WDR62: variants seen among roughly 807,000 people sequenced by gnomAD.
WDR62 encodes WD repeat-containing protein 62.
Under a neutral mutation model 160.6 loss-of-function variants are expected in WDR62, and 112 were observed. The ratio of observed to expected loss-of-function variants is 0.70; its 90% CI spans 0.60 to 0.82. The LOEUF (loss-of-function observed/expected upper bound fraction) is 0.82, where lower values mean the gene tolerates loss of function less well. Ranked by LOEUF, WDR62 falls within the 40% of genes least tolerant of loss-of-function variation. The pLI, the probability that WDR62 is intolerant of heterozygous loss-of-function variation, is 0.00. For missense variants in WDR62, 1,819 were observed against 1,983.8 expected (o/e 0.92, Z 1.58); for synonymous variants, 792 against 815.1 (o/e 0.97, Z 0.48).
In WDR62 at chr19:36,089,043, A is replaced by G. The variant is rs1344053949; in HGVS notation, c.1774A>G (p.Arg592Gly). 1 of 1,614,100 alleles carries G rather than the reference A, an allele frequency of 6.2e-7. No homozygotes were observed. Among genetic ancestry groups the G allele is most frequent in the Admixed American group, 1.7e-5 (1 of 60,026 alleles). The change falls in exon 14 of 32, where the codon AGA becomes GGA. Residue 592 changes from arginine (R) to glycine (G), a missense_variant. This residue lies in a region of WDR62 where 934 missense variants were observed against 1,157.2 expected (regional missense o/e 0.81). Coordinates refer to ENST00000401500, the MANE Select transcript of WDR62 (RefSeq NM_001083961.2). ...SITAIKFAGN[R>G]DIQMISCGAD... ...ACAGCGTCCTCCTCCCCTAGGCAAC[A>G]GAGACATCCAGATGATCAGCTGTGG...
At chr19:36,106,270 G>A (rs1240487422), downstream of WDR62, among the ~76,000 whole-genome samples, 1 of 151,336 alleles carries the variant, frequency 6.6e-6, no homozygotes, top group Non-Finnish European at 1.5e-5. Flanking sequence ...GGAGGTTGAG[G>A]CAGGAGAATC....
Position 36,102,788 on chromosome 19 carries a change from ACTT to A in WDR62, c.3277_3279del (p.Phe1093del), listed in dbSNP as rs1183907455. On this transcript the variant is annotated inframe_deletion, in exon 27 of 32. Transcript: ENST00000401500. ...GTGGAGGCCTCTGAAGCTGAAGACC[ACTT>A]CTTCAACCCACGCCTGAGTATCTCC... The A allele has an allele frequency of 6.8e-6, 11 of 1,614,034 alleles. No homozygotes were observed. The highest frequency in any genetic ancestry group is 1.6e-4 in the Middle Eastern group (1 of 6,062).
chr19:36,105,982 A>T (rs1973703429), downstream of WDR62, among the ~76,000 whole-genome samples: 1 of 152,178 alleles, frequency 6.6e-6, no homozygotes, highest in Admixed American at 6.5e-5. Context: ...TACAGGCATG[A>T]GCCACCGCAC....
chr19:36,106,105 T>C (rs1973706665), downstream of WDR62, among the ~76,000 whole-genome samples: 1 of 152,200 alleles, frequency 6.6e-6, no homozygotes, highest in Admixed American at 6.5e-5. Context: ...CTGGGACCAA[T>C]AACTGCTTCC....
chr19:36,084,682 T>C lies in WDR62; in HGVS notation c.1580T>C (p.Leu527Pro), dbSNP rs1278297649. ...RIHELHFMDE[L>P]VKVEAHDAEV... ...CACGAGCTGCACTTCATGGACGAGC[T>C]GGTCAAGGTGGAGGCCCATGATGCT... Residue 527 changes from leucine to proline, a missense_variant, in exon 12 of 32, where the codon CTG (leucine) becomes CCG (proline). Leu to Pro is a moderately conservative substitution (Grantham distance 98). This residue lies in a region of WDR62 where 934 missense variants were observed against 1,157.2 expected (regional missense o/e 0.81). Transcript: ENST00000401500. 6.2e-7 allele frequency: 1 copy of C among 1,613,710 alleles called. No individual in the cohort carries two copies. Among genetic ancestry groups the C allele is most frequent in the African/African-American group, 1.3e-5 (1 of 74,838 alleles).
At chr19:36,079,142 C>T (rs1266228341) in intron 9 of WDR62, among the ~76,000 whole-genome samples, 1 of 152,104 alleles carries the variant, frequency 6.6e-6, no homozygotes, top group African/African-American at 2.4e-5. Flanking sequence ...AGTGCAGTGG[C>T]ATGATCACAG....
intron 7 of WDR62, chr19:36,071,006 A>C: frequency 6.2e-6 from 1 of 160,936 alleles, no homozygotes; most frequent in South Asian, 1.7e-4. Flanking sequence ...TCAGGAGTTC[A>C]AGACCAGCCT....
chr19:36,103,917 C>T lies in WDR62; in HGVS notation c.4089C>T (p.Pro1363=). 1 of 1,599,402 alleles carries T rather than the reference C, an allele frequency of 6.3e-7. No individual in the cohort carries two copies. Among genetic ancestry groups the T allele is most frequent in the Non-Finnish European group, 8.5e-7 (1 of 1,179,960 alleles). ...GCCTTCCTGCCCACCCCAGTAACCC[C>T]CAGCTTCCAGAGGCCCGGCCTGGCA... is the stretch of plus-strand genomic sequence containing the variant. ...SPGLPAHPSN[P]QLPEARPGIP... The change falls in exon 30 of 32, where the codon CCC becomes CCT. Residue 1363 remains proline, a synonymous_variant. Transcript: ENST00000401500.
chr19:36,099,387 A>T lies in WDR62; in HGVS notation c.2521-12A>T, dbSNP rs765215727. 6.2e-7 allele frequency: 1 copy of T among 1,612,060 alleles called. No individual in the cohort carries two copies. Among genetic ancestry groups the T allele is most frequent in the Non-Finnish European group, 8.5e-7 (1 of 1,179,516 alleles). On this transcript the variant is annotated splice_polypyrimidine_tract_variant and intron_variant, in intron 21 of 31. Transcript: ENST00000401500. ...ACTCAGCCAGTTGCCTGACTGTCCG[A>T]TATCCTTCAAGCTAGGGGACGATGA...
chr19:36,069,997 G>A (rs151177519), intron 7 of WDR62, among the ~76,000 whole-genome samples: 4,993 of 114,040 alleles, frequency 0.044, 130 homozygotes, highest in East Asian at 0.11. Context: ...GGAAAGAGAG[G>A]GAGAGGGAGA....
intron 26 of WDR62, 71 bp from the exon 27 acceptor site, chr19:36,102,666 T>C: frequency 1.4e-6 from 2 of 1,409,100 alleles, no homozygotes; most frequent in Non-Finnish European, 2.0e-6. Context: ...CCCGCTGGGC[T>C]GTGGGCTGGC....
chr19:36,079,039 CAAG>C (rs1360702145), intron 9 of WDR62, among the ~76,000 whole-genome samples: 1 of 151,714 alleles, frequency 6.6e-6, no homozygotes, highest in Admixed American at 6.6e-5. Context: ...TCCAACTACA[CAAG>C]AAGAACTCTG....
intron 2 of WDR62, among the ~76,000 whole-genome samples, chr19:36,059,250 G>A (rs1050860471): frequency 6.6e-6 from 1 of 152,122 alleles, no homozygotes; most frequent in Non-Finnish European, 1.5e-5. Flanking sequence ...CCCTCTGCTT[G>A]CATAGTTGAG....
chr19:36,071,802 C>G, intron 8 of WDR62, 86 bp downstream of exon 8: 1 of 1,501,006 alleles, frequency 6.7e-7, no homozygotes, highest in Non-Finnish European at 9.0e-7. Flanking sequence ...ATCCATCTAT[C>G]TGTCTGTCCA....
chr19:36,110,142 G>A, the WDR62 span, among the ~76,000 whole-genome samples: 6 of 151,952 alleles, frequency 3.9e-5, no homozygotes, highest in Non-Finnish European at 5.9e-5. Flanking sequence ...CCAGTGTGCC[G>A]GGGTAGGGTC....
intron 3 of WDR62, chr19:36,060,941 G>A (rs1404021115): frequency 6.6e-6 from 1 of 152,248 alleles, no homozygotes; most frequent in African/African-American, 2.4e-5. Context: ...AAGTTTACTG[G>A]GGAAGGACCC....
intron 16 of WDR62, among the ~76,000 whole-genome samples, chr19:36,090,800 C>T (rs761554603): frequency 6.6e-6 from 1 of 152,206 alleles, no homozygotes; most frequent in Non-Finnish European, 1.5e-5. Flanking sequence ...ATGAACTCCC[C>T]TCCTGGTTTG....
chr19:36,103,517 G>C lies in WDR62; in HGVS notation c.3689G>C (p.Arg1230Pro). Residue 1230 changes from arginine to proline, a missense_variant, in exon 30 of 32, where the codon CGC becomes CCC. Arg to Pro is a moderately radical substitution (Grantham distance 103). Coordinates refer to ENST00000401500, the MANE Select transcript of WDR62 (RefSeq NM_001083961.2). Reference sequence around the variant, plus strand: ...GCCAGCTCCCGTGCCAGGATATCACGCAGCATCTCCCTCGGTGACAGTGAG... The same window carrying C: ...GCCAGCTCCCGTGCCAGGATATCACCCAGCATCTCCCTCGGTGACAGTGAG... ...ATASSRARIS[R>P]SISLGDSEGP... 1.2e-6 allele frequency: 2 copies of C among 1,614,098 alleles called. No homozygotes were observed. The highest frequency in any genetic ancestry group is 1.7e-6 in the Non-Finnish European group (2 of 1,180,024).
At chr19:36,095,545 G>A (rs1390317811) in intron 20 of WDR62, among the ~76,000 whole-genome samples, 1 of 152,238 alleles carries the variant, frequency 6.6e-6, no homozygotes, top group African/African-American at 2.4e-5. Flanking sequence ...TGTAATCCCA[G>A]CACTCAGGGA....
Sources: allele counts gnomAD v4.1 joint callset (sites outside exome capture counted in the v4.1 genomes callset), GRCh38; gene constraint gnomAD v4.1.1; regional missense constraint gnomAD v4.1.1; transcripts MANE v1.5; gene names NCBI Gene and HGNC (gene_info 2026-07-23, HGNC 2026-07-21).